The following MID1 variants were observed in gnomAD, a reference collection of about 807,000 sequenced individuals.
MID1 encodes the protein E3 ubiquitin-protein ligase Midline-1.
MID1 carries 7 observed loss-of-function variants against 40.4 expected under a neutral mutation model. The ratio of observed to expected loss-of-function variants is 0.17; its 90% CI spans 0.10 to 0.33. The LOEUF (loss-of-function observed/expected upper bound fraction) is 0.33, where lower values mean the gene tolerates loss of function less well. MID1 is among the 10% of genes least tolerant of loss of function. MID1 has a pLI of 1.00. For synonymous variants in MID1, 229 were observed against 221.2 expected (o/e 1.04, Z -0.31); for missense variants, 367 against 558.5 (o/e 0.66, Z 3.46).
intron 3 of MID1, among the ~76,000 whole-genome samples, chrX:10,504,522 G>A (rs185535117): frequency 3.0e-4 from 34 of 111,928 alleles, no homozygotes; most frequent in African/African-American, 1.0e-3. Context: ...AGAGGTTCTA[G>A]GACCAGTCAG....
At chrX:10,636,897 T>G (rs1349110665) in intron 1 of MID1, among the ~76,000 whole-genome samples, 2 of 101,541 alleles carry the variant, frequency 2.0e-5, no homozygotes, top group African/African-American at 7.3e-5. Context: ...TGTGTGTGTG[T>G]GTGTGTGTGT....
chrX:10,529,427 C>T (rs749944824), intron 2 of MID1, among the ~76,000 whole-genome samples: 27 of 112,228 alleles, frequency 2.4e-4, no homozygotes, highest in Non-Finnish European at 2.8e-4. Flanking sequence ...ATCTGGACTG[C>T]GGGTCCCTGT....
chrX:10,590,172 A>G (rs1175003875), intron 1 of MID1, among the ~76,000 whole-genome samples: 1 of 111,383 alleles, frequency 9.0e-6, no homozygotes, highest in Non-Finnish European at 1.9e-5. Context: ...TGGAATTTTA[A>G]CTACCAGGCT....
At chrX:10,499,443 T>A (rs941107417) in intron 3 of MID1, among the ~76,000 whole-genome samples, 12 of 112,388 alleles carry the variant, frequency 1.1e-4, no homozygotes, top group African/African-American at 3.9e-4. Flanking sequence ...AAAACATTTT[T>A]AAATTTTAAT....
At chrX:10,646,561 T>C (rs1488903076) in intron 1 of MID1, among the ~76,000 whole-genome samples, 1 of 111,452 alleles carries the variant, frequency 9.0e-6, no homozygotes, top group African/African-American at 3.3e-5. Context: ...TCGCCTCCAT[T>C]TCTGCTCAAT....
upstream of MID1, among the ~76,000 whole-genome samples, chrX:10,622,054 AG>A (rs1201204445): frequency 9.3e-6 from 1 of 107,422 alleles, no homozygotes; most frequent in Non-Finnish European, 1.9e-5. Context: ...CTTAAACTTG[AG>A]GGTGCAAGGA....
chrX:10,488,977 A>C (rs1049331089), intron 4 of MID1, among the ~76,000 whole-genome samples: 31 of 110,527 alleles, frequency 2.8e-4, no homozygotes, highest in African/African-American at 8.9e-4. Flanking sequence ...CTCTCTCTAT[A>C]TATATATATC....
chrX:10,581,014 C>T (rs778612368), intron 1 of MID1, among the ~76,000 whole-genome samples: 63 of 109,036 alleles, frequency 5.8e-4, no homozygotes, highest in African/African-American at 2.0e-3. Context: ...TGTGGGAGGC[C>T]GAGGCAGGCG....
intron 1 of MID1, among the ~76,000 whole-genome samples, chrX:10,610,074 T>C (rs1442342900): frequency 8.9e-6 from 1 of 111,840 alleles, no homozygotes; most frequent in Non-Finnish European, 1.9e-5. Flanking sequence ...GAAATGCAAA[T>C]AGACCTTCAA....
chrX:10,701,394 T>C (rs1001871115), intron 1 of MID1, among the ~76,000 whole-genome samples: 4 of 111,609 alleles, frequency 3.6e-5, no homozygotes, highest in African/African-American at 1.3e-4. Context: ...AAGGACAAAA[T>C]AGGGAGTTGG....
intron 1 of MID1, among the ~76,000 whole-genome samples, chrX:10,648,541 G>A (rs773114289): frequency 7.1e-5 from 8 of 112,126 alleles, no homozygotes; most frequent in African/African-American, 1.9e-4. Flanking sequence ...CTTAACATAT[G>A]TGATCTTCCT....
At chrX:10,653,436 G>A (rs12008851) in intron 1 of MID1, among the ~76,000 whole-genome samples, 15,911 of 111,463 alleles carry the variant, frequency 0.14, 1,777 homozygotes, top group African/African-American at 0.38. Context: ...ACTCTGGTGC[G>A]GTAACCAAAG....
chrX:10,822,759 A>T (rs2044184819), intron 1 of MID1, among the ~76,000 whole-genome samples: 1 of 112,395 alleles, frequency 8.9e-6, no homozygotes, highest in African/African-American at 3.2e-5. Flanking sequence ...ATGCATATTA[A>T]AACCATAATG....
At chrX:10,794,177 C>T (rs1444085361) in intron 1 of MID1, among the ~76,000 whole-genome samples, 3 of 112,174 alleles carry the variant, frequency 2.7e-5, no homozygotes, top group South Asian at 3.6e-4. Context: ...TCCCACAGCA[C>T]ATAGTCTTGG....
chrX:10,807,549 T>G (rs1345503719), intron 1 of MID1, among the ~76,000 whole-genome samples: 1 of 111,588 alleles, frequency 9.0e-6, no homozygotes, highest in Non-Finnish European at 1.9e-5. Context: ...AGGACTGAGG[T>G]CTTCATTTCC....
chrX:10,604,012 T>C (rs1002488857), intron 1 of MID1, among the ~76,000 whole-genome samples: 22 of 111,863 alleles, frequency 2.0e-4, no homozygotes, highest in African/African-American at 7.1e-4. Context: ...TGCACTTTGG[T>C]AAGTAAAAGA....
chrX:10,526,484 T>C (rs1423040355), intron 2 of MID1, among the ~76,000 whole-genome samples: 1 of 111,788 alleles, frequency 8.9e-6, no homozygotes, highest in African/African-American at 3.3e-5. Flanking sequence ...ATGTTAATAC[T>C]AGGGGATACT....
chrX:10,700,229 T>C (rs1223449796), intron 1 of MID1, among the ~76,000 whole-genome samples: 3 of 112,007 alleles, frequency 2.7e-5, no homozygotes, highest in Non-Finnish European at 3.8e-5. Flanking sequence ...ATGTATTTTA[T>C]ACTTATGGGC....
At chrX:10,778,340 A>C (rs1323904755) in intron 1 of MID1, among the ~76,000 whole-genome samples, 3 of 110,775 alleles carry the variant, frequency 2.7e-5, no homozygotes, top group Non-Finnish European at 5.7e-5. Flanking sequence ...TCCATTGTTG[A>C]CCAAAAAGTC....
Sources: gnomAD v4.1 joint callset for allele counts (sites outside exome capture counted in the v4.1 genomes callset) on GRCh38, gnomAD v4.1.1 for gene constraint, MANE v1.5 for transcripts, NCBI Gene and HGNC (gene_info 2026-07-23, HGNC 2026-07-21) for gene names.